The following MDN1 variants were observed in gnomAD, a reference collection of about 807,000 sequenced individuals.
The protein encoded by MDN1 is midasin.
A neutral mutation model predicts 669.2 loss-of-function variants in MDN1; 266 were observed. The ratio of observed to expected loss-of-function variants is 0.40; its 90% CI spans 0.36 to 0.44. MDN1 has a LOEUF of 0.44. Ranked by LOEUF, MDN1 falls within the 20% of genes least tolerant of loss-of-function variation. The pLI is 1.00. For synonymous variants in MDN1, 2,385 were observed against 2,457.1 expected, an observed-to-expected ratio of 0.97 and a Z score of 0.87; for missense variants, 5,940 against 6,754.0, an observed-to-expected ratio of 0.88 and a Z score of 4.22.
At position 89,674,334 on chromosome 6, in the gene MDN1, A is replaced by G; in HGVS notation, c.13017T>C (p.Leu4339=). The change falls in exon 79 of 102, where the codon CTT becomes CTC. Residue 4339 remains leucine, a synonymous_variant. Coordinates refer to ENST00000369393, the MANE Select transcript of MDN1 (RefSeq NM_014611.3). ...CTACTCCACAAAGTTGTCCCTTGCT[A>G]AGTTCTGGTCCTTCCAGGCAGGGGC... The part of the protein sequence containing the change: ...PPGPCLEGPE[L]SKGQLCGVVL... 1 of 1,614,250 alleles carries G rather than the reference A, an allele frequency of 6.2e-7. No homozygotes were observed. Among genetic ancestry groups the G allele is most frequent in the Non-Finnish European group, 8.5e-7 (1 of 1,180,042 alleles).
chr6:89,646,567 G>A lies in MDN1; in HGVS notation c.16432C>T (p.Gln5478Ter). Residue 5478 changes from glutamine to a stop codon, truncating the protein, a stop_gained, in exon 100 of 102, where the codon CAG becomes TAG. Coordinates refer to ENST00000369393, the MANE Select transcript of MDN1 (RefSeq NM_014611.3). LOFTEE classifies it high-confidence loss of function. ...GAACTGATGTTCTGCGAGAGCTGCT[G>A]AGCAGCTGCAAACATGTTGGCAACA... is the stretch of plus-strand genomic sequence containing the variant. ...ESVANMFAAA[Q>*]QLSQNISSET... is the part of the protein sequence containing the mutation. 1 of 1,614,108 alleles carries A rather than the reference G, an allele frequency of 6.2e-7. No individual in the cohort carries two copies. Among genetic ancestry groups the A allele is most frequent in the Non-Finnish European group, 8.5e-7 (1 of 1,179,954 alleles).
rs1009730405 is a variant in MDN1 at position 89,686,084 on chromosome 6, A to G, written c.11573-111T>C. Reference sequence around the variant, plus strand: ...TACGGATGGCCAAGAGGTAGACATCACAATGTGAAGCTCTCAAGCAAGGAC... The same window carrying G: ...TACGGATGGCCAAGAGGTAGACATCGCAATGTGAAGCTCTCAAGCAAGGAC... On this transcript the variant is annotated intron_variant, in intron 69 of 101. Transcript: ENST00000369393. 18 of 1,040,316 alleles carry G rather than the reference A, an allele frequency of 1.7e-5. No individual in the cohort carries two copies. In the Admixed American group the frequency reaches 1.8e-4, roughly 10 times the overall value. 64.4% of individuals were successfully genotyped at this position (1,040,316 alleles called of 1,614,324 possible).
In MDN1 at chr6:89,700,773, C is replaced by A. The variant is rs1354997446; in HGVS notation, c.8511G>T (p.Gly2837=). Residue 2837 remains glycine, a synonymous_variant, in exon 56 of 102, where the codon GGG becomes GGT. Coordinates refer to ENST00000369393, the MANE Select transcript of MDN1 (RefSeq NM_014611.3). ...TAATGTCTTCCTGCCATCCACTCTC[C>A]CCAAGGGCAGACATCTGCTCCCTGA... ...LAIREQMSAL[G]ESGWQEDINR... The A allele has an allele frequency of 6.2e-7, 1 of 1,614,146 alleles. No homozygotes were observed. The highest frequency in any genetic ancestry group is 1.1e-5 in the South Asian group (1 of 91,074).
At position 89,754,107 on chromosome 6, in the gene MDN1, G is replaced by A. The variant is rs1172004748; in HGVS notation, c.2940C>T (p.Gly980=). Residue 980 remains glycine (G), a synonymous_variant, in exon 21 of 102, where the codon GGC becomes GGT. Coordinates refer to ENST00000369393, the MANE Select transcript of MDN1 (RefSeq NM_014611.3). ...CCTCATAGAGTGAGCGCTGAATGTT[G>A]CCACATGGATTGGAGGCTGCAAATC... The part of the protein sequence containing the change: ...ALRFAASNPC[G]NIQRSLYEGF... 1 of 1,614,010 alleles carries A rather than the reference G, an allele frequency of 6.2e-7. No individual in the cohort carries two copies. Among genetic ancestry groups the A allele is most frequent in the African/African-American group, 1.3e-5 (1 of 75,008 alleles).
intron 99 of MDN1, 69 bp from the exon 100 acceptor site, chr6:89,646,672 A>C (rs1808510600): frequency 7.5e-7 from 1 of 1,335,514 alleles, no homozygotes; most frequent in Admixed American, 1.7e-5. Flanking sequence ...AAAGAGACTG[A>C]TAGTATTTCT....
Position 89,706,080 on chromosome 6 carries a change from C to T in MDN1, c.8127G>A (p.Val2709=). The T allele has an allele frequency of 6.2e-7, 1 of 1,608,246 alleles. No individual in the cohort carries two copies. Among genetic ancestry groups the T allele is most frequent in the Non-Finnish European group, 8.5e-7 (1 of 1,176,440 alleles). The change falls in exon 53 of 102, where the codon GTG becomes GTA. Residue 2709 remains valine (V), a synonymous_variant. Coordinates refer to ENST00000369393, the MANE Select transcript of MDN1 (RefSeq NM_014611.3). The stretch of plus-strand genomic sequence containing the variant: ...TTACCTCATTGGCACTGGCATCAGA[C>T]ACCATTCCCTGGGAGGACTGTACCC... ...LLWVQSSQGM[V]SDASANEILG...
At chr6:89,758,186 A>C (rs112161015) in intron 19 of MDN1, 69 bp downstream of exon 19, 34,143 of 1,281,456 alleles carry the variant, frequency 0.027, 2,142 homozygotes, top group African/African-American at 0.23. Flanking sequence ...ACGCCACTGC[A>C]CTCCAACCTG....
At chr6:89,728,275 A>G (rs553954785) in intron 36 of MDN1, among the ~76,000 whole-genome samples, 1 of 152,216 alleles carries the variant, frequency 6.6e-6, no homozygotes, top group Admixed American at 6.5e-5. Flanking sequence ...AAGGATTCTC[A>G]TTCAATTTGT....
intron 55 of MDN1, 44 bp downstream of exon 55, chr6:89,701,514 T>A: frequency 6.2e-7 from 1 of 1,607,468 alleles, no homozygotes; most frequent in Non-Finnish European, 8.5e-7. Flanking sequence ...ACTTCAGAAG[T>A]AGTAGTCACA....
chr6:89,650,164 G>A lies in MDN1; in HGVS notation c.16066C>T (p.Arg5356Trp), dbSNP rs202000858. The change falls in exon 97 of 102, where the codon CGG (arginine) becomes TGG (tryptophan). Residue 5356 changes from arginine (R) to tryptophan (W), a missense_variant. Physicochemically the swap from Arg to Trp is moderately radical, Grantham distance 101. Around this residue, in one of 5 missense-constraint regions of MDN1, gnomAD observed 2,280 missense variants for 2,576.3 expected, o/e 0.88. Coordinates refer to ENST00000369393, the MANE Select transcript of MDN1 (RefSeq NM_014611.3). ...CTAGCAATGTATGGAATGACTTTCC[G>A]TATGTTTAGTCGTTTCCCAGTTCGA... ...DYRTGKRLNI[R>W]KVIPYIASQF... 3.1e-6 allele frequency: 5 copies of A among 1,614,066 alleles called. No homozygotes were observed. Among genetic ancestry groups the A allele is most frequent in the African/African-American group, 1.3e-5 (1 of 75,018 alleles).
chr6:89,722,855 A>G (rs1814934993), intron 40 of MDN1, 100 bp downstream of exon 40: 2 of 1,123,528 alleles, frequency 1.8e-6, no homozygotes, highest in Non-Finnish European at 2.5e-6. Context: ...TCAAAAAAAA[A>G]AAAAAAAAAA....
intron 12 of MDN1, 89 bp from the exon 13 acceptor site, chr6:89,774,822 G>C: frequency 1.2e-6 from 1 of 820,998 alleles, no homozygotes; most frequent in Non-Finnish European, 2.0e-6. Flanking sequence ...CCTCAAATTA[G>C]CACTCTACAA....
intron 88 of MDN1, among the ~76,000 whole-genome samples, chr6:89,659,729 T>C (rs1264264115): frequency 6.6e-6 from 1 of 152,192 alleles, no homozygotes; most frequent in Non-Finnish European, 1.5e-5. Context: ...ATTATCATTG[T>C]GAATAACTGG....
In MDN1 at chr6:89,667,973, G is replaced by C. The variant is rs766016674; in HGVS notation, c.14094+41C>G. 5 of 1,598,694 alleles carry C rather than the reference G, an allele frequency of 3.1e-6. No individual in the cohort carries two copies. The South Asian group carries it at 3.4e-5, about 11-fold the overall frequency. On this transcript the variant is annotated intron_variant, in intron 84 of 101. Transcript: ENST00000369393. ...GTAACTTACATGTTGAAAAGAAAGA[G>C]AGTGATCTTCTGTCAACTGTATACC... is the stretch of plus-strand genomic sequence containing the variant.
intron 44 of MDN1, 30 bp from the exon 45 acceptor site, chr6:89,715,799 G>T: frequency 7.1e-7 from 1 of 1,409,088 alleles, no homozygotes; most frequent in Non-Finnish European, 1.0e-6. Flanking sequence ...ATGGTGGATA[G>T]GCTGACATGC....
intron 53 of MDN1, among the ~76,000 whole-genome samples, chr6:89,704,519 T>C (rs1813393055): frequency 6.6e-6 from 1 of 152,224 alleles, no homozygotes; most frequent in African/African-American, 2.4e-5. Context: ...AACAGTATTT[T>C]CCAAGTTACC....
rs199540495 is a variant in MDN1, at chr6:89,818,480, A to AT, written c.102+1025dup. ...GGGACCTTACAACTACAAAAAAAAA[A>AT]TTTTTTTTTTAATTAGCCACACCTG... On this transcript the variant is annotated intron_variant, in intron 1 of 101. Transcript: ENST00000369393. Among the ~76,000 whole-genome samples the AT allele has an allele frequency of 1.6e-3, 234 of 149,992 alleles. 1 individual carries two copies. Among genetic ancestry groups the AT allele is most frequent in the African/African-American group, 5.2e-3 (214 of 40,842 alleles).
At chr6:89,720,747 TACTAAG>T (rs1226233750) in intron 40 of MDN1, among the ~76,000 whole-genome samples, 1 of 152,098 alleles carries the variant, frequency 6.6e-6, no homozygotes, top group Non-Finnish European at 1.5e-5. Context: ...TGTTAAAAAC[TACTAAG>T]ACTTTCTCCT....
intron 15 of MDN1, 50 bp from the exon 16 acceptor site, chr6:89,762,580 A>G (rs957749132): frequency 7.2e-7 from 1 of 1,396,592 alleles, no homozygotes; most frequent in African/African-American, 1.4e-5. Flanking sequence ...AAGTTAACAG[A>G]AGTTAGAAAG....
Sources: gnomAD v4.1 joint callset for allele counts (sites outside exome capture counted in the v4.1 genomes callset) on GRCh38, gnomAD v4.1.1 for gene constraint, gnomAD v4.1.1 regional missense constraint, MANE v1.5 for transcripts, NCBI Gene and HGNC (gene_info 2026-07-23, HGNC 2026-07-21) for gene names.